The following SYNJ2 variants were observed in gnomAD, a reference collection of about 807,000 sequenced individuals.
SYNJ2 encodes the protein polyphosphatidylinositol phosphatase SYNJ2.
A neutral mutation model predicts 141.3 loss-of-function variants in SYNJ2; 116 were observed. That is an observed-to-expected ratio of 0.82 (90% confidence interval 0.71 to 0.96). The LOEUF is 0.96. Ranked by LOEUF, SYNJ2 falls within the 40% of genes least tolerant of loss-of-function variation. The probability of loss-of-function intolerance (pLI) is 0.00; values close to 1 mark genes in which losing one functional copy is unlikely to be tolerated. For synonymous variants in SYNJ2, 745 were observed against 777.7 expected (o/e 0.96, Z 0.70); for missense variants, 1,873 against 1,934.8 (o/e 0.97, Z 0.60).
intron 1 of SYNJ2, among the ~76,000 whole-genome samples, chr6:157,995,795 C>T (rs960375534): frequency 2.6e-5 from 4 of 152,134 alleles, no homozygotes; most frequent in African/African-American, 9.7e-5. Flanking sequence ...TTTTCAACAT[C>T]GACAGATAAA....
intron 5 of SYNJ2, among the ~76,000 whole-genome samples, chr6:158,054,154 C>T (rs1415915354): frequency 6.6e-6 from 1 of 151,622 alleles, no homozygotes; most frequent in Non-Finnish European, 1.5e-5. Context: ...CCCATCTATC[C>T]ATCCACTCAG....
chr6:158,003,214 G>A (rs1777926151), intron 1 of SYNJ2, among the ~76,000 whole-genome samples: 1 of 152,238 alleles, frequency 6.6e-6, no homozygotes, highest in Non-Finnish European at 1.5e-5. Context: ...GCTCTTTCAT[G>A]TGGCCTGGAC....
intron 20 of SYNJ2, among the ~76,000 whole-genome samples, chr6:158,082,114 A>G (rs955471210): frequency 6.6e-6 from 1 of 152,192 alleles, no homozygotes; most frequent in Admixed American, 6.5e-5. Flanking sequence ...TGTCAGGCCA[A>G]GGTGGGTAGA....
chr6:157,993,526 C>G (rs1777526848), intron 1 of SYNJ2, among the ~76,000 whole-genome samples: 1 of 151,932 alleles, frequency 6.6e-6, no homozygotes, highest in Admixed American at 6.6e-5. Flanking sequence ...TGTGCAAAAG[C>G]TTTTTAACTT....
At chr6:157,986,042 A>G (rs1777190829) in intron 1 of SYNJ2, among the ~76,000 whole-genome samples, 1 of 152,186 alleles carries the variant, frequency 6.6e-6, no homozygotes, top group Admixed American at 6.5e-5. Context: ...TGCCTAGATC[A>G]CTTTCTCAGG....
chr6:157,989,911 G>C (rs1430750589), intron 1 of SYNJ2, among the ~76,000 whole-genome samples: 2 of 152,082 alleles, frequency 1.3e-5, no homozygotes, highest in Non-Finnish European at 2.9e-5. Flanking sequence ...GCTTTTCTGG[G>C]GGGGGCTAGG....
chr6:158,033,471 G>A lies in SYNJ2; in HGVS notation c.502G>A (p.Val168Met), dbSNP rs769705005. 8 of 1,613,956 alleles carry A rather than the reference G, an allele frequency of 5.0e-6. No individual in the cohort carries two copies. The highest frequency in any genetic ancestry group is 2.7e-5 in the African/African-American group (2 of 74,936). ...NSFFWNQLLH[V>M]PLRQHQVSCC... ...GTTTTGCAGGAACCAGCTGTTGCAC[G>A]TGCCCTTGAGGCAGCACCAGGTGAG... The change falls in exon 4 of 27, where the codon GTG becomes ATG. Residue 168 changes from valine to methionine, a missense_variant. Transcript: ENST00000355585.
At chr6:158,051,258 G>A (rs1347461412) in intron 5 of SYNJ2, among the ~76,000 whole-genome samples, 1 of 152,178 alleles carries the variant, frequency 6.6e-6, no homozygotes, top group Non-Finnish European at 1.5e-5. Flanking sequence ...GCTGAAGCCA[G>A]GGGAGACTTC....
intron 23 of SYNJ2, among the ~76,000 whole-genome samples, chr6:158,087,719 C>T (rs375476399): frequency 3.3e-5 from 5 of 151,972 alleles, no homozygotes; most frequent in South Asian, 4.1e-4. Context: ...TAAAAATAAC[C>T]CAAAAATAAA....
Position 158,095,668 on chromosome 6 carries a change from C to G in SYNJ2, c.3795C>G (p.Ile1265Met). The change falls in exon 27 of 27, where the codon ATC (isoleucine) becomes ATG (methionine). Residue 1265 changes from isoleucine to methionine, a missense_variant. Physicochemically the swap from Ile to Met is conservative, Grantham distance 10. Coordinates refer to ENST00000355585, the MANE Select transcript of SYNJ2 (RefSeq NM_003898.4). ...QFEQQTVHFT[I>M]GPPETSVEAP... ...AGCAACAGACTGTCCATTTTACAAT[C>G]GGGCCCCCGGAGACAAGCGTTGAGG... 1.2e-6 allele frequency: 2 copies of G among 1,612,354 alleles called. No individual in the cohort carries two copies. Among genetic ancestry groups the G allele is most frequent in the African/African-American group, 1.3e-5 (1 of 74,926 alleles).
chr6:158,025,931 A>G (rs1779017154), intron 2 of SYNJ2, among the ~76,000 whole-genome samples: 1 of 152,230 alleles, frequency 6.6e-6, no homozygotes, highest in Admixed American at 6.5e-5. Flanking sequence ...CAGCTTGGGC[A>G]ACAAGAGTAA....
rs1779872119 is a variant in SYNJ2 at position 158,040,248 on chromosome 6, A to G, written c.712-3068A>G. 6.6e-6 allele frequency among the ~76,000 whole-genome samples: 1 copy of G among 151,670 alleles called. No individual in the cohort carries two copies. Among genetic ancestry groups the G allele is most frequent in the South Asian group, 2.1e-4 (1 of 4,822 alleles). On this transcript the variant is annotated intron_variant, in intron 4 of 26. Transcript: ENST00000355585. The surrounding 1 kb of genome is among the most constrained non-coding windows in gnomAD (Gnocchi z 4.2). ...GTACATGTGTGTATGTGTCATGTGCATTGTGCATTTGTGTATACATGTGTG... is the reference window on the plus strand; with the variant it reads ...GTACATGTGTGTATGTGTCATGTGCGTTGTGCATTTGTGTATACATGTGTG...
chr6:158,076,905 G>A, intron 17 of SYNJ2, 123 bp downstream of exon 17: 1 of 1,244,978 alleles, frequency 8.0e-7, no homozygotes. Context: ...AACCCCAGAT[G>A]ACACAAAAGT....
chr6:158,091,605 C>T (rs539649896), intron 25 of SYNJ2, among the ~76,000 whole-genome samples: 57 of 151,948 alleles, frequency 3.8e-4, no homozygotes, highest in Admixed American at 2.8e-3. Context: ...AAAAATTAGC[C>T]GGGCGTGGTG....
At chr6:157,997,191 C>G (rs1777666976) in intron 1 of SYNJ2, among the ~76,000 whole-genome samples, 1 of 152,148 alleles carries the variant, frequency 6.6e-6, no homozygotes, top group Non-Finnish European at 1.5e-5. Flanking sequence ...ACGTGGGTGT[C>G]TTCTGTTGTC....
At chr6:158,074,394 T>G (rs925096697) in intron 15 of SYNJ2, among the ~76,000 whole-genome samples, 186 bp from the exon 16 acceptor site, 14 of 152,156 alleles carry the variant, frequency 9.2e-5, no homozygotes, top group Non-Finnish European at 1.3e-4. Flanking sequence ...AAGTAAGCCA[T>G]GTAAAAATTC....
intron 1 of SYNJ2, among the ~76,000 whole-genome samples, chr6:158,016,553 C>A (rs964672431): frequency 6.6e-6 from 1 of 152,094 alleles, no homozygotes; most frequent in African/African-American, 2.4e-5. Flanking sequence ...AAGGCCTGCC[C>A]CGTCGTCACC....
intron 4 of SYNJ2, among the ~76,000 whole-genome samples, chr6:158,036,081 G>C (rs976081263): frequency 2.0e-5 from 3 of 151,962 alleles, no homozygotes; most frequent in Non-Finnish European, 2.9e-5. Context: ...CTGATCATTA[G>C]AGAAATGAGA....
chr6:158,006,930 T>G (rs757267979), intron 1 of SYNJ2, among the ~76,000 whole-genome samples: 2 of 152,010 alleles, frequency 1.3e-5, no homozygotes, highest in Non-Finnish European at 2.9e-5. Flanking sequence ...CACCTCAGCC[T>G]CCCAAAGTGC....
Sources: allele counts gnomAD v4.1 joint callset (sites outside exome capture counted in the v4.1 genomes callset), GRCh38; gene constraint gnomAD v4.1.1; non-coding constraint Gnocchi (gnomAD v3.1); transcripts MANE v1.5; gene names NCBI Gene and HGNC (gene_info 2026-07-23, HGNC 2026-07-21).